The following GPM6A variants were observed in gnomAD, a reference collection of about 807,000 sequenced individuals.
The protein encoded by GPM6A is glycoprotein M6A, also known as neuronal membrane glycoprotein M6-a.
GPM6A carries 7 observed loss-of-function variants against 32.1 expected under a neutral mutation model. The observed-to-expected ratio is 0.22, with a 90% confidence interval of 0.12 to 0.41. GPM6A has a LOEUF of 0.41. GPM6A is among the 10% of genes least tolerant of loss of function. GPM6A has a pLI of 1.00. For synonymous variants in GPM6A, 130 were observed against 123.4 expected (o/e 1.05, Z -0.35); for missense variants, 235 against 347.2 (o/e 0.68, Z 2.57).
chr4:175,948,874 A>ATCAATTGTTAC (rs1209600520), intron 1 of GPM6A, among the ~76,000 whole-genome samples: 2 of 137,044 alleles, frequency 1.5e-5, no homozygotes, highest in African/African-American at 7.3e-5. Flanking sequence ...TTAAAATGCC[A>ATCAATTGTTAC]TAGATCCTTG....
At chr4:175,785,257 C>A (rs564050924) in intron 1 of GPM6A, among the ~76,000 whole-genome samples, 4 of 152,160 alleles carry the variant, frequency 2.6e-5, no homozygotes, top group Non-Finnish European at 5.9e-5. Context: ...GGAGTCTCAG[C>A]TAAGCTCACA....
chr4:175,933,572 T>TTTTG (rs139745122), intron 1 of GPM6A, among the ~76,000 whole-genome samples: 4 of 151,530 alleles, frequency 2.6e-5, no homozygotes, highest in African/African-American at 9.7e-5. Flanking sequence ...TCTTAGAAGT[T>TTTTG]TTTGTTTGTT....
In GPM6A at chr4:175,682,959, T is replaced by G. The variant is rs946588497; in HGVS notation, c.231-9123A>C. Among the ~76,000 whole-genome samples the G allele has an allele frequency of 3.0e-4, 45 of 152,190 alleles. 1 individual carries two copies. Among genetic ancestry groups the G allele is most frequent in the African/African-American group, 1.0e-3 (42 of 41,452 alleles). On this transcript the variant is annotated intron_variant, in intron 2 of 6. Transcript: ENST00000393658. Reference sequence around the variant, plus strand: ...GAGTCCCCACCAGGGCACTGCCTAGTGGAACTGTGAGAAGTGGGTCACTGA... The same window carrying G: ...GAGTCCCCACCAGGGCACTGCCTAGGGGAACTGTGAGAAGTGGGTCACTGA...
chr4:175,641,471 C>G (rs1213778849), intron 4 of GPM6A: 1 of 152,144 alleles, frequency 6.6e-6, no homozygotes, highest in Non-Finnish European at 1.5e-5. Flanking sequence ...ATTTTTAAAA[C>G]GAGCACAGAG....
chr4:175,667,315 C>T (rs1019585147), intron 3 of GPM6A, among the ~76,000 whole-genome samples: 3 of 152,116 alleles, frequency 2.0e-5, no homozygotes, highest in African/African-American at 7.2e-5. Flanking sequence ...TAACTCAAAA[C>T]CCCAATCTAA....
Position 175,928,674 on chromosome 4 carries a change from T to G in GPM6A, c.-23+73635A>C, listed in dbSNP as rs529834192. Among the ~76,000 whole-genome samples the G allele has an allele frequency of 2.1e-3, 324 of 152,318 alleles. 1 individual carries two copies. The highest frequency in any genetic ancestry group is 6.8e-3 in the African/African-American group (284 of 41,574). On this transcript the variant is annotated intron_variant, in intron 1 of 7. Transcript: ENST00000280187. ...GGTGGGCAGTGCAGAGAACTGAAAA[T>G]GCACCAAGAAACGCAGTATGAAACT...
intron 1 of GPM6A, among the ~76,000 whole-genome samples, chr4:175,937,534 A>G (rs1739278522): frequency 6.6e-6 from 1 of 152,170 alleles, no homozygotes; most frequent in Admixed American, 6.5e-5. Context: ...GATACTCTGC[A>G]TGAAACATAG....
At chr4:175,717,683 G>A (rs1456645966) in intron 1 of GPM6A, among the ~76,000 whole-genome samples, 2 of 152,128 alleles carry the variant, frequency 1.3e-5, no homozygotes, top group African/African-American at 4.8e-5. Flanking sequence ...GATAAGATTG[G>A]TCCTCTAGGA....
intron 1 of GPM6A, among the ~76,000 whole-genome samples, chr4:175,896,166 G>T (rs1272847298): frequency 1.3e-5 from 2 of 152,068 alleles, no homozygotes; most frequent in East Asian, 3.9e-4. Context: ...TTTATCTTTT[G>T]GGGAAGCTTT....
At chr4:175,749,666 C>T (rs909027709) in intron 1 of GPM6A, among the ~76,000 whole-genome samples, 4 of 152,148 alleles carry the variant, frequency 2.6e-5, no homozygotes, top group African/African-American at 7.2e-5. Flanking sequence ...CCCCCATAAC[C>T]ACATATTTCT....
chr4:175,970,656 T>C (rs1740473214), intron 1 of GPM6A, among the ~76,000 whole-genome samples: 1 of 152,022 alleles, frequency 6.6e-6, no homozygotes, highest in South Asian at 2.1e-4. Flanking sequence ...CTTAACACAG[T>C]CACGAGTGAA....
At position 175,680,735 on chromosome 4, in the gene GPM6A, T is replaced by G. The variant is rs1489349734; in HGVS notation, c.231-6899A>C. 3.3e-5 allele frequency among the ~76,000 whole-genome samples: 5 copies of G among 152,322 alleles called. No homozygotes were observed. In the East Asian group the frequency reaches 7.7e-4, roughly 23 times the overall value. ...GTTCCTTGTAGGTAACCCATTTCAT[T>G]GGATCCTTGATTATCTTTACTGTGT... On this transcript the variant is annotated intron_variant, in intron 2 of 6. Transcript: ENST00000393658.
intron 1 of GPM6A, among the ~76,000 whole-genome samples, chr4:175,892,237 T>C (rs1468198760): frequency 6.6e-6 from 1 of 152,200 alleles, no homozygotes; most frequent in Non-Finnish European, 1.5e-5. Context: ...AATCCTTAAA[T>C]AGGGACTCAA....
chr4:175,665,500 G>T lies in GPM6A; in HGVS notation c.387+8180C>A, dbSNP rs113181238. On this transcript the variant is annotated intron_variant, in intron 3 of 6. Transcript: ENST00000393658. ...TATATAAAAAATAAAAGCATTGGACGGCCGTGGTGGTGGCTCAAGCCTGTA... is the reference window on the plus strand; with the variant it reads ...TATATAAAAAATAAAAGCATTGGACTGCCGTGGTGGTGGCTCAAGCCTGTA... 9.0e-3 allele frequency among the ~76,000 whole-genome samples: 1,365 copies of T among 152,074 alleles called. 24 individuals are homozygous for T. Among genetic ancestry groups the T allele is most frequent in the African/African-American group, 0.031 (1,291 of 41,482 alleles).
intron 3 of GPM6A, among the ~76,000 whole-genome samples, chr4:175,662,210 G>A: frequency 6.6e-6 from 1 of 152,094 alleles, no homozygotes; most frequent in East Asian, 1.9e-4. Context: ...TGGGGGTTTT[G>A]ACGGAAGGGA....
At chr4:175,776,111 A>T (rs1047292364) in intron 1 of GPM6A, among the ~76,000 whole-genome samples, 1 of 152,176 alleles carries the variant, frequency 6.6e-6, no homozygotes, top group Non-Finnish European at 1.5e-5. Flanking sequence ...TTTTAAAGGG[A>T]CAATAAAAGA....
At chr4:175,990,849 T>C (rs1252366480) in intron 1 of GPM6A, among the ~76,000 whole-genome samples, 1 of 152,150 alleles carries the variant, frequency 6.6e-6, no homozygotes, top group Non-Finnish European at 1.5e-5. Flanking sequence ...GGGATTTCTC[T>C]TAAGGTAACT....
At chr4:175,727,699 C>T (rs1056135647) in intron 1 of GPM6A, among the ~76,000 whole-genome samples, 68 of 152,136 alleles carry the variant, frequency 4.5e-4, no homozygotes, top group Non-Finnish European at 1.9e-4. Flanking sequence ...TGTAATTATA[C>T]AATTATAAAA....
chr4:175,851,124 C>T (rs912503916), intron 1 of GPM6A, among the ~76,000 whole-genome samples: 15 of 151,916 alleles, frequency 9.9e-5, no homozygotes, highest in Admixed American at 2.0e-4. Context: ...TTTGGGGGAC[C>T]GAGGTGGGCA....
Sources: gnomAD v4.1 joint callset for allele counts (sites outside exome capture counted in the v4.1 genomes callset) on GRCh38, gnomAD v4.1.1 for gene constraint, MANE v1.5 for transcripts, NCBI Gene and HGNC (gene_info 2026-07-23, HGNC 2026-07-21) for gene names.